BTBD9: variants seen among roughly 807,000 people sequenced by gnomAD.
The protein encoded by BTBD9 is BTB domain containing 9.
BTBD9 carries 49 observed loss-of-function variants against 64.3 expected under a neutral mutation model. That is an observed-to-expected ratio of 0.76 (90% CI 0.61 to 0.97). The LOEUF (loss-of-function observed/expected upper bound fraction) is 0.97. BTBD9 is among the 50% of genes least tolerant of loss of function. The probability of loss-of-function intolerance (pLI) is 0.00; values close to 1 mark genes in which losing one functional copy is unlikely to be tolerated. For missense variants in BTBD9, 598 were observed against 762.1 expected (o/e 0.78, Z 2.53); for synonymous variants, 260 against 274.7 (o/e 0.95, Z 0.53).
intron 1 of BTBD9, among the ~76,000 whole-genome samples, chr6:38,615,812 C>T (rs920261259): frequency 6.6e-6 from 1 of 152,148 alleles, no homozygotes; most frequent in Admixed American, 6.6e-5. Flanking sequence ...TGTGTGAATG[C>T]TTAAAGTAAT....
At chr6:38,202,302 G>T (rs1762493729) in intron 9 of BTBD9, among the ~76,000 whole-genome samples, 1 of 151,432 alleles carries the variant, frequency 6.6e-6, no homozygotes, top group Non-Finnish European at 1.5e-5. Flanking sequence ...GGCCAGGATG[G>T]TCTCCATCTC....
intron 6 of BTBD9, among the ~76,000 whole-genome samples, chr6:38,527,588 AT>A (rs1773567593): frequency 6.6e-6 from 1 of 152,064 alleles, no homozygotes; most frequent in Non-Finnish European, 1.5e-5. Flanking sequence ...TCATGACTGT[AT>A]GTTTCCTGAG....
chr6:38,172,502 C>T lies in BTBD9; in HGVS notation c.*2483G>A, dbSNP rs1581988286. ...GAGTTCCTGCCCCAGTCAGAAGGCC[C>T]CTCAGGGAAGGGCAGTACCCCTCCA... is the stretch of plus-strand genomic sequence containing the variant. On this transcript the variant is annotated 3_prime_UTR_variant, in exon 11 of 11. Coordinates refer to ENST00000481247, the MANE Select transcript of BTBD9 (RefSeq NM_001099272.2). The T allele has an allele frequency of 6.6e-6, 1 of 152,496 alleles. No individual in the cohort carries two copies. The highest frequency in any genetic ancestry group is 1.9e-4 in the East Asian group (1 of 5,182). 9.4% of individuals were successfully genotyped at this position (152,496 alleles called of 1,614,324 possible). A position where few individuals can be genotyped will look rare whatever the true frequency, so the allele number is the denominator to read the frequency against.
At chr6:38,269,928 A>G (rs920182660) in intron 8 of BTBD9, among the ~76,000 whole-genome samples, 1 of 152,162 alleles carries the variant, frequency 6.6e-6, no homozygotes, top group African/African-American at 2.4e-5. Flanking sequence ...TAATCCTTCA[A>G]AATGTATTCC....
chr6:38,499,448 T>C (rs192165972), intron 6 of BTBD9, among the ~76,000 whole-genome samples: 25 of 152,350 alleles, frequency 1.6e-4, no homozygotes, highest in African/African-American at 6.0e-4. Context: ...TAATTAATTG[T>C]CAAGCATTTA....
chr6:38,298,246 A>T (rs1762234868), intron 7 of BTBD9, among the ~76,000 whole-genome samples: 1 of 152,066 alleles, frequency 6.6e-6, no homozygotes, highest in Admixed American at 6.6e-5. Context: ...TATACATTAA[A>T]TTTTTATCCT....
At chr6:38,384,367 T>G (rs909799335) in intron 6 of BTBD9, among the ~76,000 whole-genome samples, 7 of 152,196 alleles carry the variant, frequency 4.6e-5, no homozygotes, top group Admixed American at 1.3e-4. Context: ...TGATGAAGAA[T>G]TCAATAAAAT....
At chr6:38,419,215 C>T (rs1206690335) in intron 6 of BTBD9, among the ~76,000 whole-genome samples, 3 of 151,904 alleles carry the variant, frequency 2.0e-5, no homozygotes, top group African/African-American at 7.3e-5. Flanking sequence ...AGGTGTTGAC[C>T]CTGTCTCTTT....
intron 6 of BTBD9, among the ~76,000 whole-genome samples, chr6:38,428,805 C>T (rs887377765): frequency 1.2e-4 from 18 of 150,942 alleles, no homozygotes; most frequent in Non-Finnish European, 2.5e-4. Context: ...CTCTGCCTCC[C>T]GGATTCACGC....
chr6:38,497,561 G>A (rs920633228), intron 6 of BTBD9, among the ~76,000 whole-genome samples: 8 of 152,074 alleles, frequency 5.3e-5, no homozygotes, highest in African/African-American at 1.7e-4. Flanking sequence ...ACCAGTTCAT[G>A]ATATGGAAAG....
chr6:38,450,289 T>A (rs1218924485), intron 6 of BTBD9, among the ~76,000 whole-genome samples: 1 of 152,138 alleles, frequency 6.6e-6, no homozygotes, highest in Non-Finnish European at 1.5e-5. Flanking sequence ...GATGGGGAAA[T>A]GCTAGTCAAA....
chr6:38,369,752 C>T (rs1765342497), intron 6 of BTBD9, among the ~76,000 whole-genome samples: 1 of 152,208 alleles, frequency 6.6e-6, no homozygotes, highest in African/African-American at 2.4e-5. Context: ...TTCTCTTGGC[C>T]AGGGCTCTTC....
At chr6:38,264,536 A>G (rs1324172885) in intron 8 of BTBD9, among the ~76,000 whole-genome samples, 1 of 152,216 alleles carries the variant, frequency 6.6e-6, no homozygotes, top group Non-Finnish European at 1.5e-5. Flanking sequence ...CCCTATTCTA[A>G]TCTCTGCTAC....
At chr6:38,466,337 G>A (rs959442306) in intron 6 of BTBD9, among the ~76,000 whole-genome samples, 3 of 138,804 alleles carry the variant, frequency 2.2e-5, no homozygotes, top group Non-Finnish European at 4.5e-5. Context: ...TTGTTGCCCA[G>A]GCTGGAGTGC....
chr6:38,294,852 A>G (rs1762100981), intron 7 of BTBD9, among the ~76,000 whole-genome samples: 2 of 151,474 alleles, frequency 1.3e-5, no homozygotes, highest in South Asian at 2.1e-4. Context: ...AAACCTTTAT[A>G]CTCTCAACTA....
intron 6 of BTBD9, among the ~76,000 whole-genome samples, chr6:38,528,015 G>T (rs761685731): frequency 6.6e-6 from 1 of 151,960 alleles, no homozygotes; most frequent in Non-Finnish European, 1.5e-5. Flanking sequence ...CACTGAAGAG[G>T]GTAGGAAAGA....
intron 10 of BTBD9, among the ~76,000 whole-genome samples, chr6:38,183,001 A>ACAGTTC (rs1761633716): frequency 6.7e-6 from 1 of 148,922 alleles, no homozygotes; most frequent in Non-Finnish European, 1.5e-5. Flanking sequence ...TTTTTCTGAG[A>ACAGTTC]CAGAGTCTTG....
intron 1 of BTBD9, among the ~76,000 whole-genome samples, chr6:38,623,660 C>T (rs1295181441): frequency 6.6e-6 from 1 of 152,188 alleles, no homozygotes; most frequent in Non-Finnish European, 1.5e-5. Context: ...CAGACAACGC[C>T]TCTCAAATTC....
At position 38,429,431 on chromosome 6, in the gene BTBD9, G is replaced by A. The variant is rs138596834; in HGVS notation, c.1155-84338C>T. The stretch of plus-strand genomic sequence containing the variant: ...GATCGCACCATCGCACTCCAGCCTG[G>A]GTGACAAGAGCAAGACTACGTCTCA... On this transcript the variant is annotated intron_variant, in intron 6 of 10. Coordinates refer to ENST00000481247, the MANE Select transcript of BTBD9 (RefSeq NM_001099272.2). Among the ~76,000 whole-genome samples the A allele has an allele frequency of 5.5e-3, 818 of 148,234 alleles. 12 individuals carry two copies. The highest frequency in any genetic ancestry group is 0.017 in the African/African-American group (669 of 40,292).
Sources: allele counts gnomAD v4.1 joint callset (sites outside exome capture counted in the v4.1 genomes callset), GRCh38; gene constraint gnomAD v4.1.1; transcripts MANE v1.5; gene names NCBI Gene and HGNC (gene_info 2026-07-23, HGNC 2026-07-21).